The following AKAP13 variants were observed in gnomAD, a reference collection of about 807,000 sequenced individuals.
The protein encoded by AKAP13 is A-kinase anchor protein 13.
A neutral mutation model predicts 264.5 loss-of-function variants in AKAP13; 80 were observed. That is an observed-to-expected ratio of 0.30 (90% CI 0.25 to 0.36). The LOEUF is 0.36. Among genes scored for constraint, AKAP13 ranks in the 10% least tolerant of loss-of-function variants. The pLI is 1.00. For synonymous variants in AKAP13, 1,380 were observed against 1,250.2 expected (o/e 1.10, Z -2.19); for missense variants, 3,712 against 3,435.2 (o/e 1.08, Z -2.01).
intron 2 of AKAP13, among the ~76,000 whole-genome samples, chr15:85,521,111 C>G (rs533830494): frequency 1.4e-4 from 21 of 152,294 alleles, no homozygotes; most frequent in Admixed American, 8.5e-4. Flanking sequence ...TCCCCCTGCC[C>G]CTCCCCTTTT....
chr15:85,678,275 G>A (rs1597025664), intron 14 of AKAP13, among the ~76,000 whole-genome samples: 1 of 152,082 alleles, frequency 6.6e-6, no homozygotes, highest in African/African-American at 2.4e-5. Flanking sequence ...ATATGATTAG[G>A]CACCCTAATT....
chr15:85,439,146 A>G (rs77249652), intron 1 of AKAP13, among the ~76,000 whole-genome samples: 15,398 of 152,138 alleles, frequency 0.1, 961 homozygotes, highest in East Asian at 0.31. Flanking sequence ...AGCTCCATCA[A>G]AAAGTGGGCG....
At chr15:85,386,661 G>T (rs1046766456) in intron 1 of AKAP13, among the ~76,000 whole-genome samples, 2 of 152,034 alleles carry the variant, frequency 1.3e-5, no homozygotes, top group African/African-American at 4.8e-5. Flanking sequence ...TTCCTAAATG[G>T]TGCAAGGTAT....
At chr15:85,737,684 C>G (rs1333674705) in intron 33 of AKAP13, among the ~76,000 whole-genome samples, 1 of 152,152 alleles carries the variant, frequency 6.6e-6, no homozygotes, top group Non-Finnish European at 1.5e-5. Context: ...GCTACTTGCT[C>G]TCTGGATCTG....
At chr15:85,637,359 G>C (rs1323185870) in intron 8 of AKAP13, among the ~76,000 whole-genome samples, 1 of 152,152 alleles carries the variant, frequency 6.6e-6, no homozygotes, top group Non-Finnish European at 1.5e-5. Flanking sequence ...ATGTTTTCTT[G>C]AGTGAATTTT....
intron 1 of AKAP13, among the ~76,000 whole-genome samples, chr15:85,401,783 T>C (rs2071430340): frequency 6.6e-6 from 1 of 152,208 alleles, no homozygotes. Context: ...AAATCAGTGG[T>C]AGGAATTAAA....
chr15:85,631,495 C>CTG, intron 8 of AKAP13, among the ~76,000 whole-genome samples: 1 of 68,208 alleles, frequency 1.5e-5, no homozygotes. Flanking sequence ...CTCTCTCTCT[C>CTG]TCTCTCTCAC....
Position 85,739,152 on chromosome 15 carries a change from T to C in AKAP13, c.7558-1070T>C, listed in dbSNP as rs528762618. Among the ~76,000 whole-genome samples, 66 of 152,380 alleles carry C rather than the reference T, an allele frequency of 4.3e-4. No homozygotes were observed. The South Asian group carries it at 0.013, about 30-fold the overall frequency. On this transcript the variant is annotated intron_variant, in intron 33 of 36. Transcript: ENST00000394518. ...TAAAGCAGTGAGCCAAGAAAATCTT[T>C]GTACATACATTGTTTTTTCACAGCT...
At chr15:85,431,009 G>A (rs547418019) in intron 1 of AKAP13, among the ~76,000 whole-genome samples, 3 of 152,276 alleles carry the variant, frequency 2.0e-5, no homozygotes, top group African/African-American at 4.8e-5. Flanking sequence ...TATCAAGTTG[G>A]TAAGCGGCTG....
At chr15:85,709,596 T>C (rs2086511726) in intron 18 of AKAP13, among the ~76,000 whole-genome samples, 1 of 152,220 alleles carries the variant, frequency 6.6e-6, no homozygotes, top group African/African-American at 2.4e-5. Context: ...TACTAGTTTA[T>C]ACAGAATGAT....
At position 85,691,949 on chromosome 15, in the gene AKAP13, A is replaced by G. The variant is rs1285172235; in HGVS notation, c.5290-1328A>G. ...TGCCTTCCTGCACCCCTAGGTACTC[A>G]GGGTAGAGGAGTGAGCTACTAAGCC... is the stretch of plus-strand genomic sequence containing the variant. On this transcript the variant is annotated intron_variant, in intron 16 of 36. Transcript: ENST00000394518. 5 of 456,966 alleles carry G rather than the reference A, an allele frequency of 1.1e-5. No homozygotes were observed. The East Asian group carries it at 3.4e-4, about 31-fold the overall frequency. 28.3% of individuals were successfully genotyped at this position (456,966 alleles called of 1,614,324 possible).
chr15:85,541,532 T>C (rs891993764), intron 4 of AKAP13, among the ~76,000 whole-genome samples: 8 of 152,184 alleles, frequency 5.3e-5, no homozygotes, highest in Non-Finnish European at 7.4e-5. Flanking sequence ...CTTGTTTTTG[T>C]ATTTGTGGTT....
intron 8 of AKAP13, among the ~76,000 whole-genome samples, chr15:85,617,044 T>C (rs2080967198): frequency 6.6e-6 from 1 of 152,232 alleles, no homozygotes; most frequent in African/African-American, 2.4e-5. Context: ...AACAGTAATC[T>C]AGGCTCTTTC....
At position 85,613,715 on chromosome 15, in the gene AKAP13, A is replaced by ATATATAT. The variant is rs1421387238; in HGVS notation, c.4162-25659_4162-25658insTATATAT. Among the ~76,000 whole-genome samples the ATATATAT allele has an allele frequency of 1.3e-3, 100 of 77,086 alleles. 2 individuals are homozygous for ATATATAT. Among genetic ancestry groups the ATATATAT allele is most frequent in the African/African-American group, 2.5e-3 (58 of 22,932 alleles). 50.6% of individuals were successfully genotyped at this position (77,086 alleles called of 152,430 possible). A position where few individuals can be genotyped will look rare whatever the true frequency, so the allele number is the denominator to read the frequency against. ...AAATATATATATATATATATATATT[A>ATATATAT]GGAGTGCTGATTGATGGACAGATGT... On this transcript the variant is annotated intron_variant, in intron 8 of 36. Transcript: ENST00000394518.
At chr15:85,714,616 A>T (rs770934187) in intron 19 of AKAP13, among the ~76,000 whole-genome samples, 1 of 152,234 alleles carries the variant, frequency 6.6e-6, no homozygotes, top group African/African-American at 2.4e-5. Context: ...TTCATGGTGA[A>T]CGGTCCTAAA....
chr15:85,460,375 A>C (rs1180440956), intron 1 of AKAP13, among the ~76,000 whole-genome samples: 2 of 152,202 alleles, frequency 1.3e-5, no homozygotes, highest in Non-Finnish European at 2.9e-5. Context: ...CCATCATTGT[A>C]ATGCGTTCTT....
At chr15:85,617,734 C>T (rs1340168326) in intron 8 of AKAP13, among the ~76,000 whole-genome samples, 2 of 152,148 alleles carry the variant, frequency 1.3e-5, no homozygotes, top group African/African-American at 4.8e-5. Context: ...TACATTCTAG[C>T]TTGGTGAAAG....
rs1199842078 is a variant in AKAP13 at position 85,442,419 on chromosome 15, A to ATATAT, written c.-11-43291_-11-43290insTATAT. Among the ~76,000 whole-genome samples the ATATAT allele has an allele frequency of 1.1e-3, 101 of 93,158 alleles. 1 individual carries two copies. Among genetic ancestry groups the ATATAT allele is most frequent in the Non-Finnish European group, 1.7e-3 (67 of 40,038 alleles). 61.1% of individuals were successfully genotyped at this position (93,158 alleles called of 152,430 possible). A position where few individuals can be genotyped will look rare whatever the true frequency, so the allele number is the denominator to read the frequency against. ...AGCAAGATTCTGTCTCAAAAAAAAA[A>ATATAT]AAAAATATATATATATATAATATAA... On this transcript the variant is annotated intron_variant, in intron 1 of 36. Transcript: ENST00000394518.
At position 85,575,204 on chromosome 15, in the gene AKAP13, C is replaced by T. The variant is rs796265954; in HGVS notation, c.736C>T (p.His246Tyr). 5 of 1,614,000 alleles carry T rather than the reference C, an allele frequency of 3.1e-6. No homozygotes were observed. Among genetic ancestry groups the T allele is most frequent in the Admixed American group, 1.7e-5 (1 of 59,998 alleles). Reference sequence around the variant, plus strand: ...ACCGTATGGAGACTGTTCTGTGAGGCATCATCGAGAGTTGGACATCTATAC... The same window carrying T: ...ACCGTATGGAGACTGTTCTGTGAGGTATCATCGAGAGTTGGACATCTATAC... Reference protein sequence around the residue: ...EIPYGDCSVRHHRELDIYTLT... With the variant: ...EIPYGDCSVRYHRELDIYTLT... Residue 246 changes from histidine (H) to tyrosine (Y), a missense_variant, in exon 6 of 37, where the codon CAT (histidine) becomes TAT (tyrosine). His to Tyr is a moderately conservative substitution (Grantham distance 83). This residue lies in a region of AKAP13 where 2,759 missense variants were observed against 2,411.7 expected (regional missense o/e 1.14). Coordinates refer to ENST00000394518, the MANE Select transcript of AKAP13 (RefSeq NM_007200.5).
Sources: gnomAD v4.1 joint callset for allele counts (sites outside exome capture counted in the v4.1 genomes callset) on GRCh38, gnomAD v4.1.1 for gene constraint, gnomAD v4.1.1 regional missense constraint, MANE v1.5 for transcripts, NCBI Gene and HGNC (gene_info 2026-07-23, HGNC 2026-07-21) for gene names.